PDE4D: variants seen among roughly 807,000 people sequenced by gnomAD.
PDE4D encodes the protein 3',5'-cyclic-AMP phosphodiesterase 4D.
A neutral mutation model predicts 87.4 loss-of-function variants in PDE4D; 24 were observed. The ratio of observed to expected loss-of-function variants is 0.27; its 90% CI spans 0.20 to 0.39. PDE4D has a LOEUF of 0.39. Ranked by LOEUF, PDE4D falls within the 10% of genes least tolerant of loss-of-function variation. The pLI, the probability that PDE4D is intolerant of heterozygous loss-of-function variation, is 1.00. For synonymous variants in PDE4D, 384 were observed against 383.2 expected (o/e 1.00, Z -0.02); for missense variants, 714 against 1,041.0 (o/e 0.69, Z 4.32).
intron 1 of PDE4D, among the ~76,000 whole-genome samples, chr5:59,610,942 T>C (rs1828922182): frequency 1.3e-5 from 2 of 152,154 alleles, no homozygotes; most frequent in Admixed American, 1.3e-4. Flanking sequence ...CAAGGTCTCT[T>C]AGAAAGTGGG....
intron 2 of PDE4D, among the ~76,000 whole-genome samples, chr5:60,065,634 G>A (rs894567948): frequency 6.6e-6 from 1 of 151,800 alleles, no homozygotes; most frequent in Non-Finnish European, 1.5e-5. Flanking sequence ...TCCCCTTCCT[G>A]TGTCCATGTG....
chr5:59,278,216 G>A (rs1266919114), intron 1 of PDE4D, among the ~76,000 whole-genome samples: 1 of 152,072 alleles, frequency 6.6e-6, no homozygotes, highest in East Asian at 1.9e-4. Context: ...CTGAAAGAAT[G>A]TTTTGTTATC....
intron 5 of PDE4D, chr5:59,125,208 T>C (rs1775208720): frequency 1.3e-6 from 1 of 787,058 alleles, no homozygotes; most frequent in South Asian, 5.8e-5. Context: ...GTTAGACTGG[T>C]GTCCATAATC....
intron 1 of PDE4D, among the ~76,000 whole-genome samples, chr5:59,382,455 T>C (rs1464854019): frequency 1.3e-5 from 2 of 152,210 alleles, no homozygotes; most frequent in African/African-American, 4.8e-5. Context: ...GAGGATATTT[T>C]ATTTTTTTCT....
intron 1 of PDE4D, among the ~76,000 whole-genome samples, chr5:59,498,018 T>C (rs961677883): frequency 1.3e-5 from 2 of 152,026 alleles, no homozygotes; most frequent in Non-Finnish European, 2.9e-5. Context: ...GGGGGACTAT[T>C]TTTAGCATTT....
intron 1 of PDE4D, among the ~76,000 whole-genome samples, chr5:59,413,477 A>G (rs1469354360): frequency 2.0e-5 from 3 of 151,010 alleles, no homozygotes; most frequent in Non-Finnish European, 4.4e-5. Context: ...AAAAAAAAAA[A>G]AAAAGAAATG....
At chr5:59,885,356 T>C (rs974762198) in intron 1 of PDE4D, among the ~76,000 whole-genome samples, 7 of 152,156 alleles carry the variant, frequency 4.6e-5, no homozygotes, top group Admixed American at 2.0e-4. Flanking sequence ...CCACTGGGGA[T>C]TGTCATTTTT....
intron 3 of PDE4D, among the ~76,000 whole-genome samples, chr5:59,903,665 C>T (rs1752520917): frequency 6.6e-6 from 1 of 152,124 alleles, no homozygotes; most frequent in Non-Finnish European, 1.5e-5. Context: ...TAGTTTATTA[C>T]TATCCCGATT....
chr5:59,532,093 C>G (rs1342090005), intron 1 of PDE4D, among the ~76,000 whole-genome samples: 1 of 151,974 alleles, frequency 6.6e-6, no homozygotes, highest in African/African-American at 2.4e-5. Flanking sequence ...TCATGACAAA[C>G]ACATATTTGA....
chr5:59,624,698 T>G (rs1830699700), intron 1 of PDE4D, among the ~76,000 whole-genome samples: 1 of 152,250 alleles, frequency 6.6e-6, no homozygotes, highest in South Asian at 2.1e-4. Context: ...TACATGGTTA[T>G]TTCTTCATTT....
chr5:59,064,401 C>T (rs1229610707), intron 5 of PDE4D, among the ~76,000 whole-genome samples: 2 of 152,120 alleles, frequency 1.3e-5, no homozygotes, highest in African/African-American at 4.8e-5. Context: ...CCTAGCCAAC[C>T]AAGCTCTCAC....
chr5:59,964,611 T>C (rs1759808761), intron 3 of PDE4D, among the ~76,000 whole-genome samples: 1 of 152,058 alleles, frequency 6.6e-6, no homozygotes, highest in African/African-American at 2.4e-5. Flanking sequence ...CCTCTAAATA[T>C]CTCTCAAAAT....
intron 1 of PDE4D, among the ~76,000 whole-genome samples, chr5:59,686,180 T>C (rs1040994688): frequency 3.9e-5 from 6 of 152,080 alleles, no homozygotes; most frequent in Non-Finnish European, 8.8e-5. Flanking sequence ...ATTATAACAA[T>C]CAACTAAGCA....
chr5:60,071,116 T>G (rs1213402450), intron 2 of PDE4D, among the ~76,000 whole-genome samples: 1 of 151,980 alleles, frequency 6.6e-6, no homozygotes, highest in Non-Finnish European at 1.5e-5. Context: ...TAGTTTATAT[T>G]TATAAAAAAC....
In PDE4D at chr5:59,435,278, A is replaced by G. The variant is rs112406484; in HGVS notation, c.456-219310T>C. Among the ~76,000 whole-genome samples, 12 of 152,236 alleles carry G rather than the reference A, an allele frequency of 7.9e-5. 2 individuals are homozygous for G. Among genetic ancestry groups the G allele is most frequent in the African/African-American group, 2.6e-4 (11 of 41,558 alleles). The stretch of plus-strand genomic sequence containing the variant: ...TGAGTCCTTTGCTTGAAATTATCCA[A>G]TAGTTCCACATTATTTAGTAATGAA... On this transcript the variant is annotated intron_variant, in intron 1 of 14. Transcript: ENST00000340635.
intron 3 of PDE4D, among the ~76,000 whole-genome samples, chr5:59,921,475 GA>G (rs532824961): frequency 1.3e-5 from 2 of 151,894 alleles, no homozygotes; most frequent in East Asian, 3.9e-4. Context: ...TTGATTTATA[GA>G]AAAAAAACAT....
intron 1 of PDE4D, among the ~76,000 whole-genome samples, chr5:59,573,055 G>C (rs1341201034): frequency 6.6e-6 from 1 of 152,142 alleles, no homozygotes; most frequent in Non-Finnish European, 1.5e-5. Context: ...ACGGGGATTT[G>C]TGTTTAAGCT....
chr5:60,121,925 A>G lies in PDE4D; in HGVS notation c.42+63632T>C, dbSNP rs112675536. On this transcript the variant is annotated intron_variant, in intron 2 of 16. Transcript: ENST00000502484. ...GTTACTTCCTAGAGACAATGCAGGT[A>G]CAGGTAGTGGGTAAATGCAGCCATT... Among the ~76,000 whole-genome samples, 4 of 152,326 alleles carry G rather than the reference A, an allele frequency of 2.6e-5. 1 individual carries two copies. The highest frequency in any genetic ancestry group is 9.6e-5 in the African/African-American group (4 of 41,580).
upstream of PDE4D, among the ~76,000 whole-genome samples, chr5:60,489,205 C>A (rs1283743941): frequency 6.6e-6 from 1 of 152,200 alleles, no homozygotes; most frequent in Non-Finnish European, 1.5e-5. Context: ...AAATCCTTAG[C>A]AAATTGTCTG....
Sources: allele counts gnomAD v4.1 joint callset (sites outside exome capture counted in the v4.1 genomes callset), GRCh38; gene constraint gnomAD v4.1.1; transcripts MANE v1.5; gene names NCBI Gene and HGNC (gene_info 2026-07-23, HGNC 2026-07-21).